GCNT3: variants seen among roughly 807,000 people sequenced by gnomAD.
The protein encoded by GCNT3 is glucosaminyl (N-acetyl) transferase 3, mucin type, also known as beta-1,3-galactosyl-O-glycosyl-glycoprotein beta-1,6-N-acetylglucosaminyltransferase 3.
For missense variants in GCNT3, 708 were observed against 530.3 expected, an observed-to-expected ratio of 1.34 and a Z score of -3.29; for synonymous variants, 269 against 195.2, an observed-to-expected ratio of 1.38 and a Z score of -3.15.
At position 59,619,709 on chromosome 15, in the gene GCNT3, C is replaced by A. The variant is rs560720359; in HGVS notation, c.*154C>A. 2.8e-5 allele frequency: 18 copies of A among 648,924 alleles called. No homozygotes were observed. The African/African-American group carries it at 2.9e-4, about 10-fold the overall frequency. The allele number at this position is 648,924 out of a possible 1,614,324, so 40.2% of individuals were successfully genotyped here. ...GCTATTAGAGTGTGGGTAAGTAGAT[C>A]TTTTGCCTTGCAAATTGCTGCCTGG... On this transcript the variant is annotated 3_prime_UTR_variant, in exon 3 of 3. Coordinates refer to ENST00000396065, the MANE Select transcript of GCNT3 (RefSeq NM_004751.3).
At chr15:59,617,682 A>C (rs576215929) in intron 2 of GCNT3, among the ~76,000 whole-genome samples, 2 of 152,214 alleles carry the variant, frequency 1.3e-5, no homozygotes. Context: ...CCAATGAATT[A>C]TATATGGTGA....
At position 59,618,322 on chromosome 15, in the gene GCNT3, ACTTT is replaced by A. The variant is rs752682280; in HGVS notation, c.90_93del (p.Phe31GlyfsTer2). The A allele has an allele frequency of 3.2e-5, 52 of 1,613,672 alleles. No homozygotes were observed. The African/African-American group carries it at 6.8e-4, about 21-fold the overall frequency. On this transcript the variant is annotated frameshift_variant, in exon 3 of 3. Coordinates refer to ENST00000396065, the MANE Select transcript of GCNT3 (RefSeq NM_004751.3). LOFTEE classifies it low-confidence loss of function (END_TRUNC). The stretch of plus-strand genomic sequence containing the variant: ...TGCTGCTGGCCACTGTGGCTCTGAA[ACTTT>A]CTTTCAGGTTGAAGTGTGACTCTGA...
intron 1 of GCNT3, among the ~76,000 whole-genome samples, chr15:59,615,739 T>A (rs902922427): frequency 6.7e-6 from 1 of 149,988 alleles, no homozygotes; most frequent in South Asian, 2.1e-4. Context: ...AAAAAAAAAA[T>A]TATCTCCGCA....
At position 59,618,967 on chromosome 15, in the gene GCNT3, C is replaced by A. The variant is rs368185469; in HGVS notation, c.729C>A (p.Leu243=). ...IKSNAEMVQA[L]KMLNGRNSME... ...GCAATGCAGAGATGGTCCAGGCTCT[C>A]AAGATGTTGAATGGGAGGAATAGCA... Residue 243 remains leucine, a synonymous_variant, in exon 3 of 3, where the codon CTC becomes CTA. Transcript: ENST00000396065. The A allele has an allele frequency of 6.2e-7, 1 of 1,614,036 alleles. No homozygotes were observed. Among genetic ancestry groups the A allele is most frequent in the Non-Finnish European group, 8.5e-7 (1 of 1,179,986 alleles).
chr15:59,618,069 C>A, intron 2 of GCNT3, 110 bp from the exon 3 acceptor site: 1 of 523,790 alleles, frequency 1.9e-6, no homozygotes, highest in Non-Finnish European at 3.4e-6. Flanking sequence ...CAGGTCTTTA[C>A]TAAGGATTTT....
chr15:59,613,573 TAAATAA>T (rs1381263499), intron 1 of GCNT3, among the ~76,000 whole-genome samples: 4 of 132,344 alleles, frequency 3.0e-5, no homozygotes, highest in African/African-American at 1.2e-4. Flanking sequence ...AATAAATAAA[TAAATAA>T]AAATAAAAAT....
At position 59,619,018 on chromosome 15, in the gene GCNT3, C is replaced by G. The variant is rs62014427; in HGVS notation, c.780C>G (p.His260Gln). 0.013 allele frequency: 20,179 copies of G among 1,614,040 alleles called. 201 individuals carry two copies. Among genetic ancestry groups the G allele is most frequent in the Middle Eastern group, 0.033 (203 of 6,062 alleles). ...NSMESEVPPK[H>Q]KETRWKYHFE... is the part of the protein sequence containing the mutation. ...TGGAGTCAGAGGTACCTCCTAAGCA[C>G]AAAGAAACCCGCTGGAAATATCACT... is the stretch of plus-strand genomic sequence containing the variant. Residue 260 changes from histidine to glutamine, a missense_variant, in exon 3 of 3, where the codon CAC (histidine) becomes CAG (glutamine). By Grantham distance (24) the His-to-Gln change is conservative. Coordinates refer to ENST00000396065, the MANE Select transcript of GCNT3 (RefSeq NM_004751.3).
Position 59,622,427 on chromosome 15 carries a change from C to T in GCNT3, c.*2872C>T, listed in dbSNP as rs756009278. ...GAGTCCTATTCACTTTGCTCCCAAC[C>T]CCACTACGGAGATGACTGATGACTA... On this transcript the variant is annotated 3_prime_UTR_variant, in exon 3 of 3. Transcript: ENST00000396065. The T allele has an allele frequency of 2.0e-5, 3 of 152,136 alleles. No homozygotes were observed. Among genetic ancestry groups the T allele is most frequent in the African/African-American group, 7.2e-5 (3 of 41,420 alleles). 9.4% of individuals were successfully genotyped at this position (152,136 alleles called of 1,614,324 possible).
chr15:59,618,159 G>C lies in GCNT3; in HGVS notation c.-60-20G>C, dbSNP rs1238600208. 7 of 729,794 alleles carry C rather than the reference G, an allele frequency of 9.6e-6. No homozygotes were observed. The highest frequency in any genetic ancestry group is 1.6e-5 in the Non-Finnish European group (7 of 433,450). The allele number at this position is 729,794 out of a possible 1,614,324, so 45.2% of individuals were successfully genotyped here. A position where few individuals can be genotyped will look rare whatever the true frequency, so the allele number is the denominator to read the frequency against. On this transcript the variant is annotated intron_variant, in intron 2 of 2. Coordinates refer to ENST00000396065, the MANE Select transcript of GCNT3 (RefSeq NM_004751.3). The stretch of plus-strand genomic sequence containing the variant: ...TGGGAATGATTGGTTTGTAACTGGA[G>C]GCATTTTGTTCTGTCCAAGGATTGT...
chr15:59,615,544 C>A (rs768881738), intron 1 of GCNT3, among the ~76,000 whole-genome samples: 7 of 152,106 alleles, frequency 4.6e-5, no homozygotes, highest in Non-Finnish European at 8.8e-5. Context: ...TTCCCCAACA[C>A]TTTATATCTT....
In GCNT3 at chr15:59,621,487, T is replaced by C. The variant is rs1890930574; in HGVS notation, c.*1932T>C. 6.6e-6 allele frequency: 1 copy of C among 151,482 alleles called. No homozygotes were observed. Among genetic ancestry groups the C allele is most frequent in the African/African-American group, 2.4e-5 (1 of 41,272 alleles). 9.4% of individuals were successfully genotyped at this position (151,482 alleles called of 1,614,324 possible). On this transcript the variant is annotated 3_prime_UTR_variant, in exon 3 of 3. Coordinates refer to ENST00000396065, the MANE Select transcript of GCNT3 (RefSeq NM_004751.3). The stretch of plus-strand genomic sequence containing the variant: ...TACAGCTCATCTTCTGCATACGATA[T>C]GCCCTGGAAAGGTGATTTATATGCA...
At position 59,621,295 on chromosome 15, in the gene GCNT3, A is replaced by C. The variant is rs1461145484; in HGVS notation, c.*1740A>C. 6.6e-6 allele frequency: 1 copy of C among 151,864 alleles called. No individual in the cohort carries two copies. Among genetic ancestry groups the C allele is most frequent in the Non-Finnish European group, 1.5e-5 (1 of 68,008 alleles). 9.4% of individuals were successfully genotyped at this position (151,864 alleles called of 1,614,324 possible). ...GAGACAATAAGGTATGTGTAAATAC[A>C]TATATGTGTGTGTATGTATACACAC... is the stretch of plus-strand genomic sequence containing the variant. On this transcript the variant is annotated 3_prime_UTR_variant, in exon 3 of 3. Transcript: ENST00000396065.
intron 1 of GCNT3, among the ~76,000 whole-genome samples, chr15:59,614,871 A>G (rs1000641083): frequency 3.3e-5 from 5 of 152,134 alleles, no homozygotes; most frequent in Admixed American, 6.5e-5. Context: ...ACAACCCTAC[A>G]TGACTTTCTT....
rs376109646 is a variant in GCNT3 at position 59,618,319 on chromosome 15, G to A, written c.81G>A (p.Leu27=). 29 of 1,613,860 alleles carry A rather than the reference G, an allele frequency of 1.8e-5. No homozygotes were observed. The East Asian group carries it at 2.9e-4, about 16-fold the overall frequency. ...GCYMLLATVA[L]KLSFRLKCDS... ...ATATGCTGCTGGCCACTGTGGCTCT[G>A]AAACTTTCTTTCAGGTTGAAGTGTG... is the stretch of plus-strand genomic sequence containing the variant. Residue 27 remains leucine, a synonymous_variant, in exon 3 of 3, where the codon CTG becomes CTA. Coordinates refer to ENST00000396065, the MANE Select transcript of GCNT3 (RefSeq NM_004751.3).
At chr15:59,615,133 C>T (rs1197829815) in intron 1 of GCNT3, 1 of 152,156 alleles carries the variant, frequency 6.6e-6, no homozygotes, top group Non-Finnish European at 1.5e-5. Flanking sequence ...TAAACTCTGC[C>T]AATAAAGGGC....
In GCNT3 at chr15:59,618,433, G is replaced by C. The variant is rs1187042097; in HGVS notation, c.195G>C (p.Lys65Asn). 1 of 1,614,110 alleles carries C rather than the reference G, an allele frequency of 6.2e-7. No homozygotes were observed. ...ILYNFLKLPA[K>N]RSINCSGVTR... is the part of the protein sequence containing the mutation. Reference sequence around the variant, plus strand: ...ATAATTTCCTGAAACTTCCAGCAAAGAGGTCTATCAACTGTTCAGGGGTCA... The same window carrying C: ...ATAATTTCCTGAAACTTCCAGCAAACAGGTCTATCAACTGTTCAGGGGTCA... Residue 65 changes from lysine to asparagine, a missense_variant, in exon 3 of 3, where the codon AAG (lysine) becomes AAC (asparagine). Transcript: ENST00000396065.
Position 59,618,646 on chromosome 15 carries a change from T to G in GCNT3, c.408T>G (p.Ser136=), listed in dbSNP as rs770418753. ...AGGTGGAGTTCCCTATTGCATACTCTATGGTGATTCATGAGAAGATTGAAA... is the reference window on the plus strand; with the variant it reads ...AGGTGGAGTTCCCTATTGCATACTCGATGGTGATTCATGAGAAGATTGAAA... ...KEEVEFPIAY[S]MVIHEKIENF... The change falls in exon 3 of 3, where the codon TCT becomes TCG. Residue 136 remains serine (S), a synonymous_variant. Transcript: ENST00000396065. 6.2e-7 allele frequency: 1 copy of G among 1,613,978 alleles called. No homozygotes were observed. Among genetic ancestry groups the G allele is most frequent in the Non-Finnish European group, 8.5e-7 (1 of 1,179,968 alleles).
chr15:59,614,189 G>A (rs985554033), intron 1 of GCNT3, among the ~76,000 whole-genome samples: 1 of 152,172 alleles, frequency 6.6e-6, no homozygotes, highest in Non-Finnish European at 1.5e-5. Flanking sequence ...TGAAGCAAGT[G>A]CTTATCCCAT....
In GCNT3 at chr15:59,618,219, C is replaced by T; in HGVS notation, c.-20C>T. 2 of 1,410,152 alleles carry T rather than the reference C, an allele frequency of 1.4e-6. No homozygotes were observed. Among genetic ancestry groups the T allele is most frequent in the African/African-American group, 1.4e-5 (1 of 70,208 alleles). The allele number at this position is 1,410,152 out of a possible 1,614,324, so 87.4% of individuals were successfully genotyped here. ...CACCTTCCCTGTGCTCGGTCTCCACCTGTCTCCCATTCTGTGACGATGGTT... is the reference window on the plus strand; with the variant it reads ...CACCTTCCCTGTGCTCGGTCTCCACTTGTCTCCCATTCTGTGACGATGGTT... On this transcript the variant is annotated 5_prime_UTR_variant, in exon 3 of 3. Transcript: ENST00000396065.
Sources: allele counts gnomAD v4.1 joint callset (sites outside exome capture counted in the v4.1 genomes callset), GRCh38; gene constraint gnomAD v4.1.1; transcripts MANE v1.5; gene names NCBI Gene and HGNC (gene_info 2026-07-23, HGNC 2026-07-21).